The following STX18 variants were observed in gnomAD, a reference collection of about 807,000 sequenced individuals.
STX18 encodes syntaxin-18.
A neutral mutation model predicts 50.1 loss-of-function variants in STX18; 40 were observed. The ratio of observed to expected loss-of-function variants is 0.80; its 90% CI spans 0.62 to 1.04. The LOEUF is 1.04. Ranked by LOEUF, STX18 falls within the 50% of genes least tolerant of loss-of-function variation. The probability of loss-of-function intolerance (pLI) is 0.00; values close to 1 mark genes in which losing one functional copy is unlikely to be tolerated. For synonymous variants in STX18, 158 were observed against 151.8 expected, an observed-to-expected ratio of 1.04 and a Z score of -0.30; for missense variants, 410 against 415.8, an observed-to-expected ratio of 0.99 and a Z score of 0.12.
intron 5 of STX18, among the ~76,000 whole-genome samples, chr4:4,450,720 C>T (rs1018115298): frequency 2.0e-5 from 3 of 152,182 alleles, no homozygotes; most frequent in Non-Finnish European, 4.4e-5. Flanking sequence ...CTATGACTGC[C>T]CATGCTAAGC....
At chr4:4,462,245 T>C (rs1727417704) in intron 2 of STX18, among the ~76,000 whole-genome samples, 1 of 152,184 alleles carries the variant, frequency 6.6e-6, no homozygotes, top group South Asian at 2.1e-4. Flanking sequence ...TCCAACCCCC[T>C]GCAACTGCAG....
upstream of STX18, chr4:4,542,317 T>G: frequency 2.0e-5 from 4 of 198,330 alleles, no homozygotes; most frequent in East Asian, 1.2e-4. Flanking sequence ...AGGAGGCTCC[T>G]TCCCTTCTGG....
chr4:4,439,291 T>C (rs939238457), intron 5 of STX18, among the ~76,000 whole-genome samples: 2 of 124,572 alleles, frequency 1.6e-5, no homozygotes, highest in South Asian at 2.3e-4. Context: ...CACACATATA[T>C]ACACACACAT....
intron 6 of STX18, among the ~76,000 whole-genome samples, chr4:4,436,850 C>A (rs754908005): frequency 3.3e-5 from 5 of 152,200 alleles, no homozygotes; most frequent in Non-Finnish European, 5.9e-5. Flanking sequence ...ATATCCCACC[C>A]AATCTCCAGG....
chr4:4,522,390 C>T (rs923426447), intron 1 of STX18, among the ~76,000 whole-genome samples: 1 of 152,140 alleles, frequency 6.6e-6, no homozygotes, highest in Non-Finnish European at 1.5e-5. Flanking sequence ...CAGATTTAAG[C>T]TTCGTGCCTG....
intron 1 of STX18, among the ~76,000 whole-genome samples, chr4:4,512,111 T>G (rs1730033886): frequency 6.6e-6 from 1 of 152,008 alleles, no homozygotes; most frequent in South Asian, 2.1e-4. Context: ...GTTTAAATGA[T>G]CAAAAGATGG....
At chr4:4,463,241 T>C (rs12374365) in intron 2 of STX18, among the ~76,000 whole-genome samples, 15,729 of 152,186 alleles carry the variant, frequency 0.1, 1,494 homozygotes, top group African/African-American at 0.25. Flanking sequence ...TCTGCTGTTG[T>C]AGCATAAAAA....
chr4:4,517,189 T>C (rs1181155296), intron 1 of STX18, among the ~76,000 whole-genome samples: 1 of 152,212 alleles, frequency 6.6e-6, no homozygotes, highest in Non-Finnish European at 1.5e-5. Context: ...CGTCAGTACA[T>C]TCTTCCCCTG....
intron 1 of STX18, among the ~76,000 whole-genome samples, chr4:4,520,002 C>T (rs1334362983): frequency 6.6e-6 from 1 of 152,162 alleles, no homozygotes; most frequent in Non-Finnish European, 1.5e-5. Context: ...GCATTTTCTA[C>T]TTAAACCTGT....
At chr4:4,499,223 T>A (rs775082248) in intron 1 of STX18, among the ~76,000 whole-genome samples, 9 of 152,162 alleles carry the variant, frequency 5.9e-5, no homozygotes, top group Admixed American at 3.9e-4. Context: ...CCGTACCTTG[T>A]GGAATGGAAA....
intron 5 of STX18, among the ~76,000 whole-genome samples, chr4:4,447,303 C>T (rs555931356): frequency 2.6e-4 from 39 of 152,084 alleles, no homozygotes; most frequent in African/African-American, 7.5e-4. Context: ...TAAAATGGGG[C>T]TCTGGGCCGG....
intron 1 of STX18, among the ~76,000 whole-genome samples, chr4:4,506,270 T>C (rs942356559): frequency 1.3e-5 from 2 of 152,352 alleles, no homozygotes; most frequent in East Asian, 1.9e-4. Flanking sequence ...CTATTCATAA[T>C]TGTCAAAAAC....
chr4:4,457,587 T>C (rs547481304), intron 3 of STX18, 87 bp from the exon 4 acceptor site: 23 of 977,186 alleles, frequency 2.4e-5, no homozygotes, highest in Middle Eastern at 2.1e-4. Flanking sequence ...ACTTTCTTTA[T>C]TGAGAGTATT....
chr4:4,507,912 T>C lies in STX18; in HGVS notation c.168+33885A>G, dbSNP rs566137890. On this transcript the variant is annotated intron_variant, in intron 1 of 10. Transcript: ENST00000306200. ...TATGTTCTAGCCTAGAAAGGAAGCA[T>C]TCCGTATTTACTGCCTGCTTACCAC... 6.3e-5 allele frequency: 32 copies of C among 505,630 alleles called. No homozygotes were observed. The East Asian group carries it at 9.1e-4, about 14-fold the overall frequency. 31.3% of individuals were successfully genotyped at this position (505,630 alleles called of 1,614,324 possible).
chr4:4,451,168 A>G (rs1225655199), intron 5 of STX18, among the ~76,000 whole-genome samples: 2 of 152,210 alleles, frequency 1.3e-5, no homozygotes, highest in Non-Finnish European at 2.9e-5. Flanking sequence ...AAGGCTGAAC[A>G]TTTCAGAAAT....
chr4:4,439,075 CATAT>C (rs138250499), intron 5 of STX18, among the ~76,000 whole-genome samples: 1 of 149,470 alleles, frequency 6.7e-6, no homozygotes, highest in Non-Finnish European at 1.5e-5. Flanking sequence ...TACCCACACA[CATAT>C]ATACCACCAC....
At chr4:4,537,094 G>A (rs1041323000) in intron 1 of STX18, among the ~76,000 whole-genome samples, 1 of 152,272 alleles carries the variant, frequency 6.6e-6, no homozygotes, top group East Asian at 1.9e-4. Flanking sequence ...GTGCTTACGG[G>A]TTTCTTGCTT....
intron 5 of STX18, among the ~76,000 whole-genome samples, chr4:4,444,154 G>A (rs1019954534): frequency 6.6e-6 from 1 of 152,198 alleles, no homozygotes; most frequent in Non-Finnish European, 1.5e-5. Context: ...GTTGTTTGGC[G>A]GGAGGGTGGC....
chr4:4,534,173 T>C lies in STX18; in HGVS notation c.168+7624A>G, dbSNP rs115924691. 5.0e-3 allele frequency among the ~76,000 whole-genome samples: 754 copies of C among 152,316 alleles called. 2 individuals carry two copies. The highest frequency in any genetic ancestry group is 0.018 in the African/African-American group (728 of 41,562). On this transcript the variant is annotated intron_variant, in intron 1 of 10. Transcript: ENST00000306200. Reference sequence around the variant, plus strand: ...CTCCAAGGTCTAAATGTGGCAAAGCTGAAGGACCCCATTGAGTTCCTCAAT... The same window carrying C: ...CTCCAAGGTCTAAATGTGGCAAAGCCGAAGGACCCCATTGAGTTCCTCAAT...
Sources: allele counts gnomAD v4.1 joint callset (sites outside exome capture counted in the v4.1 genomes callset), GRCh38; gene constraint gnomAD v4.1.1; transcripts MANE v1.5; gene names NCBI Gene and HGNC (gene_info 2026-07-23, HGNC 2026-07-21).